COL8A1: variants seen among roughly 807,000 people sequenced by gnomAD.
The protein encoded by COL8A1 is collagen alpha-1(VIII) chain.
A neutral mutation model predicts 42.7 loss-of-function variants in COL8A1; 21 were observed. The observed-to-expected ratio is 0.49, with a 90% CI of 0.35 to 0.71. The LOEUF (loss-of-function observed/expected upper bound fraction) is 0.71, where lower values mean the gene tolerates loss of function less well. COL8A1 is among the 30% of genes least tolerant of loss of function. The pLI is 0.01. For synonymous variants in COL8A1, 367 were observed against 369.1 expected (o/e 0.99, Z 0.06); for missense variants, 788 against 962.4 (o/e 0.82, Z 2.40).
At chr3:99,658,767 C>A (rs1304163203) in intron 1 of COL8A1, among the ~76,000 whole-genome samples, 2 of 152,330 alleles carry the variant, frequency 1.3e-5, no homozygotes, top group Non-Finnish European at 1.5e-5. Context: ...AACAAGACGT[C>A]TTTAGCAACC....
intron 3 of COL8A1, among the ~76,000 whole-genome samples, chr3:99,793,295 T>C (rs1415374781): frequency 1.3e-5 from 2 of 152,196 alleles, no homozygotes; most frequent in Admixed American, 6.5e-5. Context: ...TCTCACGAGA[T>C]AAAAATAAGT....
rs189414531 is a variant in COL8A1, at chr3:99,656,167, T to C, written c.-129+17503T>C. ...CCTTAAAGGTATAAAATATCAGCTA[T>C]TGGGAAAATTTTAATTATCCAAACC... is the stretch of plus-strand genomic sequence containing the variant. On this transcript the variant is annotated intron_variant, in intron 1 of 3. Transcript: ENST00000652472. Among the ~76,000 whole-genome samples, 356 of 152,324 alleles carry C rather than the reference T, an allele frequency of 2.3e-3. 3 individuals carry two copies. The highest frequency in any genetic ancestry group is 8.4e-3 in the African/African-American group (348 of 41,574).
intron 2 of COL8A1, among the ~76,000 whole-genome samples, chr3:99,763,958 G>A (rs886896230): frequency 5.3e-5 from 8 of 152,144 alleles, no homozygotes; most frequent in African/African-American, 1.7e-4. Context: ...CATCTACTCC[G>A]CCAGGCTTCC....
chr3:99,761,761 C>T (rs1375146243), intron 2 of COL8A1, among the ~76,000 whole-genome samples: 2 of 152,088 alleles, frequency 1.3e-5, no homozygotes, highest in Non-Finnish European at 2.9e-5. Flanking sequence ...AGAGAAAACA[C>T]GTGGAACATG....
chr3:99,771,840 A>G (rs1039907990), intron 2 of COL8A1, among the ~76,000 whole-genome samples: 5 of 152,178 alleles, frequency 3.3e-5, no homozygotes, highest in Non-Finnish European at 7.3e-5. Context: ...GACATTAAGA[A>G]GCCACCTTCC....
intron 1 of COL8A1, among the ~76,000 whole-genome samples, chr3:99,672,447 G>A (rs576528966): frequency 6.6e-6 from 1 of 151,296 alleles, no homozygotes; most frequent in Non-Finnish European, 1.5e-5. Context: ...TATGTAGTCA[G>A]CTTATCTAGT....
intron 1 of COL8A1, among the ~76,000 whole-genome samples, chr3:99,707,872 C>T (rs1489198921): frequency 1.3e-5 from 2 of 152,134 alleles, no homozygotes; most frequent in African/African-American, 4.8e-5. Context: ...AGTAATCCCA[C>T]CAATAACCCC....
At chr3:99,687,298 C>T (rs1317378460) in intron 1 of COL8A1, among the ~76,000 whole-genome samples, 1 of 152,198 alleles carries the variant, frequency 6.6e-6, no homozygotes, top group African/African-American at 2.4e-5. Context: ...CTCTTTTAGC[C>T]CATATTTCCT....
intron 1 of COL8A1, among the ~76,000 whole-genome samples, chr3:99,639,031 A>G (rs1162651283): frequency 6.6e-6 from 1 of 152,246 alleles, no homozygotes; most frequent in Non-Finnish European, 1.5e-5. Flanking sequence ...ATTGTCAAAA[A>G]TGTACTTTAA....
chr3:99,653,290 A>G (rs2107292033), intron 1 of COL8A1, among the ~76,000 whole-genome samples: 1 of 152,280 alleles, frequency 6.6e-6, no homozygotes, highest in South Asian at 2.1e-4. Flanking sequence ...TCATTTAATG[A>G]ACTCTTTACT....
At chr3:99,726,005 T>G (rs1473909365) in intron 1 of COL8A1, among the ~76,000 whole-genome samples, 1 of 152,100 alleles carries the variant, frequency 6.6e-6, no homozygotes, top group Non-Finnish European at 1.5e-5. Flanking sequence ...CTTCCACAGT[T>G]GTTGAACTAG....
intron 1 of COL8A1, among the ~76,000 whole-genome samples, chr3:99,724,429 C>T (rs1038788047): frequency 2.0e-5 from 3 of 152,122 alleles, no homozygotes; most frequent in Admixed American, 6.6e-5. Flanking sequence ...GAGTTCTCAG[C>T]TCAGAGCAGT....
At chr3:99,715,957 C>A (rs2107362894) in intron 1 of COL8A1, among the ~76,000 whole-genome samples, 1 of 152,150 alleles carries the variant, frequency 6.6e-6, no homozygotes, top group African/African-American at 2.4e-5. Context: ...ATTAAAAGGT[C>A]TTACGCCTTC....
chr3:99,649,666 C>G (rs1937775303), intron 1 of COL8A1, among the ~76,000 whole-genome samples: 1 of 152,130 alleles, frequency 6.6e-6, no homozygotes, highest in Non-Finnish European at 1.5e-5. Context: ...AACACTACCC[C>G]AGTCTTCCGT....
chr3:99,651,932 T>C (rs1937859890), intron 1 of COL8A1, among the ~76,000 whole-genome samples: 1 of 152,240 alleles, frequency 6.6e-6, no homozygotes, highest in African/African-American at 2.4e-5. Flanking sequence ...CCTGCTGTCA[T>C]GAGCCAGACA....
In COL8A1 at chr3:99,795,274, T is replaced by C. The variant is rs375449999; in HGVS notation, c.1373T>C (p.Ile458Thr). The C allele has an allele frequency of 8.1e-6, 13 of 1,612,598 alleles. No homozygotes were observed. Among genetic ancestry groups the C allele is most frequent in the East Asian group, 2.2e-5 (1 of 44,822 alleles). The change falls in exon 4 of 4, where the codon ATA becomes ACA. Residue 458 changes from isoleucine (I) to threonine (T), a missense_variant. Ile to Thr is a moderately conservative substitution (Grantham distance 89, BLOSUM62 -1). Around this residue, in one of 4 missense-constraint regions of COL8A1, gnomAD observed 154 missense variants for 182.3 expected, o/e 0.84. Transcript: ENST00000652472. ...GGCATGAGGGGTTTGCCAGGTCCCA[T>C]AGGGCCCAAGGGGGAAGCTGGGCAA... ...PPGMRGLPGP[I>T]GPKGEAGQKG...
intron 2 of COL8A1, among the ~76,000 whole-genome samples, chr3:99,746,977 G>T (rs532985046): frequency 3.9e-5 from 6 of 152,086 alleles, no homozygotes; most frequent in Non-Finnish European, 8.8e-5. Flanking sequence ...GTTTTATGTA[G>T]TTTATTAAGT....
At chr3:99,734,909 G>A (rs945272402) in intron 1 of COL8A1, among the ~76,000 whole-genome samples, 1 of 152,002 alleles carries the variant, frequency 6.6e-6, no homozygotes, top group Non-Finnish European at 1.5e-5. Context: ...TCTCTTTGAA[G>A]CAATTGTGAA....
At chr3:99,792,301 C>T (rs1269498889) in intron 3 of COL8A1, among the ~76,000 whole-genome samples, 5 of 152,250 alleles carry the variant, frequency 3.3e-5, no homozygotes, top group Non-Finnish European at 5.9e-5. Context: ...CCTCATATCT[C>T]GAAATGAGTT....
Sources: allele counts gnomAD v4.1 joint callset (sites outside exome capture counted in the v4.1 genomes callset), GRCh38; gene constraint gnomAD v4.1.1; regional missense constraint gnomAD v4.1.1; transcripts MANE v1.5; gene names NCBI Gene and HGNC (gene_info 2026-07-23, HGNC 2026-07-21).